SLC46A3: variants seen among roughly 807,000 people sequenced by gnomAD.
The protein encoded by SLC46A3 is lysosomal proton-coupled steroid conjugate and bile acid symporter SLC46A3.
SLC46A3 carries 26 observed loss-of-function variants against 38.5 expected under a neutral mutation model. That is an observed-to-expected ratio of 0.68 (90% CI 0.49 to 0.94). The LOEUF is 0.94. SLC46A3 is among the 40% of genes least tolerant of loss of function. SLC46A3 has a pLI of 0.00. For missense variants in SLC46A3, 510 were observed against 544.3 expected (o/e 0.94, Z 0.63); for synonymous variants, 185 against 192.5 (o/e 0.96, Z 0.32).
intron 1 of SLC46A3, 73 bp from the exon 2 acceptor site, chr13:28,718,095 T>A: frequency 7.8e-7 from 1 of 1,278,196 alleles, no homozygotes; most frequent in South Asian, 1.5e-5. Context: ...TGGGTAAGTT[T>A]GAGCAATTTT....
chr13:28,713,602 G>A, intron 2 of SLC46A3, 52 bp from the exon 3 acceptor site: 1 of 1,516,018 alleles, frequency 6.6e-7, no homozygotes, highest in Admixed American at 2.0e-5. Context: ...AACACAACGT[G>A]TATAAAAATA....
At chr13:28,706,825 A>C (rs1885184980) in intron 4 of SLC46A3, among the ~76,000 whole-genome samples, 1 of 152,226 alleles carries the variant, frequency 6.6e-6, no homozygotes, top group Non-Finnish European at 1.5e-5. Flanking sequence ...GCCATCAGAG[A>C]AATGCAAATC....
At chr13:28,712,553 C>G in intron 3 of SLC46A3, 127 bp downstream of exon 3, 1 of 930,424 alleles carries the variant, frequency 1.1e-6, no homozygotes, top group Non-Finnish European at 1.5e-6. Context: ...CTAGTTATTA[C>G]CCTTTAATTG....
chr13:28,715,543 G>A (rs1885505557), intron 2 of SLC46A3, among the ~76,000 whole-genome samples: 1 of 152,196 alleles, frequency 6.6e-6, no homozygotes, highest in Admixed American at 6.5e-5. Context: ...AGAAAGCACA[G>A]AATCAAATAC....
rs140143214 is a variant in SLC46A3 at position 28,712,703 on chromosome 13, C to G, written c.1037G>C (p.Ser346Thr). 34 of 1,599,646 alleles carry G rather than the reference C, an allele frequency of 2.1e-5. No homozygotes were observed. The highest frequency in any genetic ancestry group is 2.8e-5 in the Non-Finnish European group (33 of 1,176,028). Reference protein sequence around the residue: ...MTGMAMTAFASTTLMMFLARV... With the variant: ...MTGMAMTAFATTTLMMFLARV... Reference sequence around the variant, plus strand: ...ACCTAAAAACATCATCAGTGTTGTACTGGCAAACGCGGTCATAGCCATTCC... The same window carrying G: ...ACCTAAAAACATCATCAGTGTTGTAGTGGCAAACGCGGTCATAGCCATTCC... The change falls in exon 3 of 6, where the codon AGT becomes ACT. Residue 346 changes from serine (S) to threonine (T), a missense_variant. Transcript: ENST00000266943.
intron 5 of SLC46A3, among the ~76,000 whole-genome samples, chr13:28,702,239 C>T (rs1388964348): frequency 1.3e-5 from 2 of 152,092 alleles, no homozygotes; most frequent in African/African-American, 4.8e-5. Context: ...CCTGCCTCAA[C>T]CTCCCAAAGT....
intron 4 of SLC46A3, among the ~76,000 whole-genome samples, chr13:28,704,993 C>G (rs1003186402): frequency 2.0e-5 from 3 of 152,192 alleles, no homozygotes; most frequent in Non-Finnish European, 4.4e-5. Flanking sequence ...TTAGTTTTGT[C>G]TGGAATCCAA....
chr13:28,712,674 A>G lies in SLC46A3; in HGVS notation c.1060+6T>C. 2 of 1,561,666 alleles carry G rather than the reference A, an allele frequency of 1.3e-6. No homozygotes were observed. Among genetic ancestry groups the G allele is most frequent in the South Asian group, 1.2e-5 (1 of 80,490 alleles). On this transcript the variant is annotated splice_donor_region_variant and intron_variant, in intron 3 of 5. Transcript: ENST00000266943. The stretch of plus-strand genomic sequence containing the variant: ...AGTTAGTTCTAAAGCTACACTTGGA[A>G]CTCACCTAAAAACATCATCAGTGTT...
chr13:28,718,117 G>T, intron 1 of SLC46A3, 95 bp from the exon 2 acceptor site: 1 of 956,646 alleles, frequency 1.0e-6, no homozygotes, highest in Non-Finnish European at 1.6e-6. Context: ...TGGAGTAAAT[G>T]TTTAAACAAG....
rs778884271 is a variant in SLC46A3 at position 28,717,993 on chromosome 13, C to T, written c.6G>A (p.Lys2=). The T allele has an allele frequency of 8.7e-6, 14 of 1,611,626 alleles. No individual in the cohort carries two copies. Among genetic ancestry groups the T allele is most frequent in the African/African-American group, 1.3e-5 (1 of 74,718 alleles). Residue 2 remains lysine, a synonymous_variant, in exon 2 of 6, where the codon AAG becomes AAA. Transcript: ENST00000266943. The stretch of plus-strand genomic sequence containing the variant: ...AAATGGCAGGTTCTACAAATAAAAT[C>T]TTCATATTGCCTGGGTAGGTAGCTG... M[K]ILFVEPAIFL...
chr13:28,703,866 T>G lies in SLC46A3; in HGVS notation c.1301+77A>C, dbSNP rs1885099599. 2.9e-6 allele frequency: 4 copies of G among 1,360,972 alleles called. No individual in the cohort carries two copies. The African/African-American group carries it at 5.8e-5, about 20-fold the overall frequency. The allele number at this position is 1,360,972 out of a possible 1,614,324, so 84.3% of individuals were successfully genotyped here. A position where few individuals can be genotyped will look rare whatever the true frequency, so the allele number is the denominator to read the frequency against. ...CTGAGGCAAAATTTCAACAGACCTA[T>G]GTAATTTACTGGTGAGGTTAGGGAA... On this transcript the variant is annotated intron_variant, in intron 5 of 5. Coordinates refer to ENST00000266943, the MANE Select transcript of SLC46A3 (RefSeq NM_181785.4).
chr13:28,701,720 G>T, intron 5 of SLC46A3, 139 bp from the exon 6 acceptor site: 1 of 749,684 alleles, frequency 1.3e-6, no homozygotes, highest in Non-Finnish European at 2.1e-6. Flanking sequence ...CTGGCATTTT[G>T]AATCCAGCTG....
At chr13:28,702,342 C>T (rs1885046878) in intron 5 of SLC46A3, among the ~76,000 whole-genome samples, 1 of 152,154 alleles carries the variant, frequency 6.6e-6, no homozygotes, top group South Asian at 2.1e-4. Context: ...TTTACTTAAA[C>T]ATTCTCCCAC....
chr13:28,717,693 G>A, intron 2 of SLC46A3, 117 bp downstream of exon 2: 1 of 969,112 alleles, frequency 1.0e-6, no homozygotes, highest in East Asian at 2.5e-5. Context: ...TTGGGATTTA[G>A]GACTTTGATG....
intron 4 of SLC46A3, among the ~76,000 whole-genome samples, chr13:28,706,423 C>G (rs1448458058): frequency 3.3e-5 from 5 of 152,050 alleles, no homozygotes; most frequent in Non-Finnish European, 7.4e-5. Flanking sequence ...TGACATCATC[C>G]AAAAGATTGT....
intron 4 of SLC46A3, among the ~76,000 whole-genome samples, chr13:28,705,347 T>A (rs193025264): frequency 3.0e-4 from 45 of 152,364 alleles, no homozygotes; most frequent in African/African-American, 1.0e-3. Flanking sequence ...CTTTCAAAGT[T>A]AGATATGGCT....
rs1184229538 is a variant in SLC46A3, at chr13:28,713,262, T to C, written c.478A>G (p.Lys160Glu). ...ACFAYIVDQC[K>E]EHKQKTIRIA... ...CGAATTGTTTTTTGTTTGTGTTCTT[T>C]ACACTGATCAACTATATAGGCAAAG... The change falls in exon 3 of 6, where the codon AAA (lysine) becomes GAA (glutamate). Residue 160 changes from lysine (K) to glutamate (E), a missense_variant. By Grantham distance (56) the Lys-to-Glu change is moderately conservative. Transcript: ENST00000266943. 6 of 1,614,034 alleles carry C rather than the reference T, an allele frequency of 3.7e-6. No individual in the cohort carries two copies. Among genetic ancestry groups the C allele is most frequent in the Middle Eastern group, 3.3e-4 (2 of 6,062 alleles).
rs1321782309 is a variant in SLC46A3 at position 28,716,612 on chromosome 13, G to C, written c.189+1198C>G. 2.0e-5 allele frequency among the ~76,000 whole-genome samples: 3 copies of C among 151,680 alleles called. No homozygotes were observed. In the East Asian group the frequency reaches 5.8e-4, roughly 29 times the overall value. On this transcript the variant is annotated intron_variant, in intron 2 of 5. Coordinates refer to ENST00000266943, the MANE Select transcript of SLC46A3 (RefSeq NM_181785.4). The stretch of plus-strand genomic sequence containing the variant: ...GAGACTCAGGGCCCTTTTTTTTTAT[G>C]ACCTTACTCTACGCCAGAACCTTGA...
Position 28,710,188 on chromosome 13 carries a change from C to T in SLC46A3, c.1144+572G>A, listed in dbSNP as rs538476761. Among the ~76,000 whole-genome samples the T allele has an allele frequency of 2.6e-5, 4 of 152,266 alleles. No homozygotes were observed. In the South Asian group the frequency reaches 8.3e-4, roughly 32 times the overall value. Reference sequence around the variant, plus strand: ...CAGCCCTTGGTGCCCAGCTGGAGCCCACCCCCATTCTGCTCTACCCCTTGC... The same window carrying T: ...CAGCCCTTGGTGCCCAGCTGGAGCCTACCCCCATTCTGCTCTACCCCTTGC... On this transcript the variant is annotated intron_variant, in intron 4 of 5. Coordinates refer to ENST00000266943, the MANE Select transcript of SLC46A3 (RefSeq NM_181785.4).
Sources: gnomAD v4.1 joint callset for allele counts (sites outside exome capture counted in the v4.1 genomes callset) on GRCh38, gnomAD v4.1.1 for gene constraint, MANE v1.5 for transcripts, NCBI Gene and HGNC (gene_info 2026-07-23, HGNC 2026-07-21) for gene names.